The following NKAIN2 variants were observed in gnomAD, a reference collection of about 807,000 sequenced individuals.
NKAIN2 encodes sodium/potassium transporting ATPase interacting 2.
In NKAIN2, 14 loss-of-function variants were observed where a neutral mutation model predicts 32.6. The ratio of observed to expected loss-of-function variants is 0.43; its 90% CI spans 0.28 to 0.67. NKAIN2 has a LOEUF of 0.67. NKAIN2 is among the 30% of genes least tolerant of loss of function. The probability of loss-of-function intolerance (pLI) is 0.17; values close to 1 mark genes in which losing one functional copy is unlikely to be tolerated. For synonymous variants in NKAIN2, 80 were observed against 87.2 expected (o/e 0.92, Z 0.46); for missense variants, 198 against 258.3 (o/e 0.77, Z 1.60).
chr6:124,410,354 A>G (rs1774101926), intron 3 of NKAIN2, among the ~76,000 whole-genome samples: 1 of 152,110 alleles, frequency 6.6e-6, no homozygotes, highest in South Asian at 2.1e-4. Context: ...CCCTCTACAC[A>G]CTGCTTTGAA....
intron 3 of NKAIN2, among the ~76,000 whole-genome samples, chr6:124,577,579 A>G (rs1016760592): frequency 3.3e-5 from 5 of 152,098 alleles, no homozygotes; most frequent in South Asian, 2.1e-4. Context: ...AGCCTCACCA[A>G]TGCAAGCTAA....
At chr6:123,835,683 T>C (rs1005038395) in intron 1 of NKAIN2, among the ~76,000 whole-genome samples, 2 of 152,254 alleles carry the variant, frequency 1.3e-5, no homozygotes, top group East Asian at 1.9e-4. Context: ...TTGTATTTAA[T>C]GGAATGTATG....
intron 2 of NKAIN2, among the ~76,000 whole-genome samples, chr6:124,343,284 TA>T (rs1394913965): frequency 6.6e-6 from 1 of 151,996 alleles, no homozygotes; most frequent in Non-Finnish European, 1.5e-5. Flanking sequence ...AGTGCCGAAA[TA>T]AACATACGTG....
chr6:124,481,282 G>A (rs1445138370), intron 3 of NKAIN2, among the ~76,000 whole-genome samples: 1 of 151,142 alleles, frequency 6.6e-6, no homozygotes, highest in Non-Finnish European at 1.5e-5. Flanking sequence ...AGTTTCAGTT[G>A]GCATTAAATG....
At chr6:124,660,351 T>C (rs1159124619) in intron 4 of NKAIN2, among the ~76,000 whole-genome samples, 5 of 152,184 alleles carry the variant, frequency 3.3e-5, no homozygotes, top group Non-Finnish European at 7.3e-5. Flanking sequence ...GATTCACAGA[T>C]TTATTAAATG....
intron 1 of NKAIN2, among the ~76,000 whole-genome samples, chr6:123,922,902 G>A (rs941207075): frequency 6.6e-6 from 1 of 152,044 alleles, no homozygotes; most frequent in Non-Finnish European, 1.5e-5. Context: ...TAGAACTCAC[G>A]CAGGTTACTG....
rs1791784568 is a variant in NKAIN2 at position 124,220,993 on chromosome 6, T to G, written c.55-62012T>G. 2.6e-5 allele frequency among the ~76,000 whole-genome samples: 4 copies of G among 152,160 alleles called. No homozygotes were observed. The South Asian group carries it at 8.3e-4, about 32-fold the overall frequency. On this transcript the variant is annotated intron_variant, in intron 1 of 6. Transcript: ENST00000368417. ...AACACAGATTTTTTTCAAGAAATTATAACTTGGTGTGAATCCAACAAAGTG... is the reference window on the plus strand; with the variant it reads ...AACACAGATTTTTTTCAAGAAATTAGAACTTGGTGTGAATCCAACAAAGTG...
intron 1 of NKAIN2, among the ~76,000 whole-genome samples, chr6:124,019,167 A>G (rs1368115127): frequency 6.6e-6 from 1 of 152,082 alleles, no homozygotes; most frequent in Non-Finnish European, 1.5e-5. Context: ...ATTACCTCCC[A>G]CTGGGTCCCT....
chr6:124,077,419 T>C (rs1783742896), intron 1 of NKAIN2, among the ~76,000 whole-genome samples: 1 of 152,194 alleles, frequency 6.6e-6, no homozygotes, highest in South Asian at 2.1e-4. Flanking sequence ...GATAGAAATG[T>C]GAATTAGCTC....
chr6:124,296,831 T>C (rs1404064572), intron 2 of NKAIN2, among the ~76,000 whole-genome samples: 1 of 152,196 alleles, frequency 6.6e-6, no homozygotes, highest in African/African-American at 2.4e-5. Flanking sequence ...CCAGAACCTT[T>C]ACTGGGCTTC....
At chr6:123,871,507 C>T (rs1562231197) in intron 1 of NKAIN2, among the ~76,000 whole-genome samples, 1 of 152,156 alleles carries the variant, frequency 6.6e-6, no homozygotes. Context: ...CTCCTCCCCC[C>T]AGTTGAATGC....
intron 1 of NKAIN2, among the ~76,000 whole-genome samples, chr6:124,012,899 A>G (rs2114739569): frequency 6.6e-6 from 1 of 152,260 alleles, no homozygotes; most frequent in African/African-American, 2.4e-5. Context: ...GCTTTTTAGG[A>G]AACTACCAGA....
rs555061591 is a variant in NKAIN2, at chr6:124,063,657, T to C, written c.55-219348T>C. On this transcript the variant is annotated intron_variant, in intron 1 of 6. Transcript: ENST00000368417. ...ATTTTTAGCTAGTTACTGAGAGGGT[T>C]CAGACAAAAATCCAGAACTATATAT... Among the ~76,000 whole-genome samples, 18 of 152,264 alleles carry C rather than the reference T, an allele frequency of 1.2e-4. No homozygotes were observed. The South Asian group carries it at 3.7e-3, about 32-fold the overall frequency.
chr6:123,833,814 A>G (rs1226949788), intron 1 of NKAIN2, among the ~76,000 whole-genome samples: 2 of 141,012 alleles, frequency 1.4e-5, no homozygotes, highest in African/African-American at 5.4e-5. Context: ...TGCAACCTCC[A>G]CTTCCCGGGT....
At chr6:124,398,253 A>AC (rs1773481030) in intron 3 of NKAIN2, among the ~76,000 whole-genome samples, 1 of 23,582 alleles carries the variant, frequency 4.2e-5, no homozygotes, top group Non-Finnish European at 1.0e-4. Flanking sequence ...ACTGCATCTC[A>AC]AAAAAAAAAA....
chr6:124,500,011 A>C (rs749341528), intron 3 of NKAIN2, among the ~76,000 whole-genome samples: 11 of 152,174 alleles, frequency 7.2e-5, no homozygotes, highest in Admixed American at 1.3e-4. Context: ...AAATATTACC[A>C]ATCTATTGCT....
At chr6:124,230,625 C>T (rs1030966284) in intron 1 of NKAIN2, among the ~76,000 whole-genome samples, 3 of 152,144 alleles carry the variant, frequency 2.0e-5, no homozygotes, top group African/African-American at 7.2e-5. Context: ...TATGTCCCAG[C>T]GACTCCAGTC....
chr6:124,554,060 C>G (rs888471072), intron 3 of NKAIN2, among the ~76,000 whole-genome samples: 6 of 152,192 alleles, frequency 3.9e-5, no homozygotes, highest in African/African-American at 1.4e-4. Context: ...GGCAGTCAGT[C>G]TTAGTATATA....
intron 1 of NKAIN2, among the ~76,000 whole-genome samples, chr6:123,866,765 C>A (rs1772541140): frequency 6.6e-6 from 1 of 152,180 alleles, no homozygotes; most frequent in South Asian, 2.1e-4. Flanking sequence ...TTGTCAGCAG[C>A]ATTTGACCAT....
Sources: gnomAD v4.1 joint callset for allele counts (sites outside exome capture counted in the v4.1 genomes callset) on GRCh38, gnomAD v4.1.1 for gene constraint, MANE v1.5 for transcripts, NCBI Gene and HGNC (gene_info 2026-07-23, HGNC 2026-07-21) for gene names.